Variants in NPSR1 observed in about 807,000 individuals in gnomAD.
The protein encoded by NPSR1 is neuropeptide S receptor.
In NPSR1, 48 loss-of-function variants were observed where a neutral mutation model predicts 46.9. That is an observed-to-expected ratio of 1.02 (90% confidence interval 0.81 to 1.30). NPSR1 has a LOEUF of 1.30. NPSR1 is among the 50% of genes most tolerant of loss of function. NPSR1 has a pLI of 0.00. For synonymous variants in NPSR1, 176 were observed against 168.1 expected (o/e 1.05, Z -0.36); for missense variants, 450 against 449.5 (o/e 1.00, Z -0.01).
chr7:34,730,427 T>C (rs1282144206), intron 2 of NPSR1, among the ~76,000 whole-genome samples: 2 of 152,210 alleles, frequency 1.3e-5, no homozygotes, highest in African/African-American at 2.4e-5. Context: ...TTTTAAAGGA[T>C]AGCAGTGTCT....
chr7:34,858,437 A>G (rs1385216131), intron 8 of NPSR1, among the ~76,000 whole-genome samples: 1 of 151,904 alleles, frequency 6.6e-6, no homozygotes, highest in Non-Finnish European at 1.5e-5. Flanking sequence ...AGACAGAGAC[A>G]TTAAAGATAA....
rs566142917 is a variant in NPSR1, at chr7:34,846,460, CA to C, written c.844+1484del. On this transcript the variant is annotated intron_variant, in intron 7 of 8. Coordinates refer to ENST00000360581, the MANE Select transcript of NPSR1 (RefSeq NM_207172.2). ...ATCATTTAAACATTAATATATTGCC[CA>C]AAAAATAATATAAAAGAGGAATAAG... 1.9e-3 allele frequency among the ~76,000 whole-genome samples: 293 copies of C among 151,864 alleles called. 3 individuals carry two copies. The highest frequency in any genetic ancestry group is 6.6e-3 in the African/African-American group (272 of 41,414).
downstream of NPSR1, among the ~76,000 whole-genome samples, chr7:34,850,636 G>A (rs1402277991): frequency 3.9e-5 from 6 of 152,098 alleles, no homozygotes; most frequent in Admixed American, 2.6e-4. Context: ...TCCTGACCTC[G>A]TGATCTGCCT....
intron 8 of NPSR1, among the ~76,000 whole-genome samples, chr7:34,873,221 C>T (rs1273988154): frequency 6.6e-6 from 1 of 151,802 alleles, no homozygotes; most frequent in Non-Finnish European, 1.5e-5. Flanking sequence ...ACCATTTAGC[C>T]AGTCTACAAG....
At chr7:34,815,826 A>G (rs1789219305) in intron 4 of NPSR1, among the ~76,000 whole-genome samples, 1 of 152,226 alleles carries the variant, frequency 6.6e-6, no homozygotes, top group African/African-American at 2.4e-5. Context: ...AAGTTTCATA[A>G]GTGAAGGAGA....
intron 3 of NPSR1, among the ~76,000 whole-genome samples, chr7:34,796,689 T>C (rs1367032558): frequency 2.0e-5 from 3 of 152,190 alleles, no homozygotes; most frequent in South Asian, 2.1e-4. Flanking sequence ...CAAAATGCTA[T>C]TGAGAATGTG....
chr7:34,842,224 A>G (rs1265968078), intron 6 of NPSR1, among the ~76,000 whole-genome samples: 1 of 152,232 alleles, frequency 6.6e-6, no homozygotes, highest in Non-Finnish European at 1.5e-5. Flanking sequence ...GAAGCCGGGA[A>G]CTTTAGACGA....
chr7:34,821,166 A>T (rs1410000628), intron 4 of NPSR1, among the ~76,000 whole-genome samples: 1 of 122,260 alleles, frequency 8.2e-6, no homozygotes, highest in Non-Finnish European at 1.6e-5. Flanking sequence ...ACAGAGTCTC[A>T]CTCTGTCGCC....
At chr7:34,776,360 A>G (rs1786958778) in intron 2 of NPSR1, among the ~76,000 whole-genome samples, 1 of 152,046 alleles carries the variant, frequency 6.6e-6, no homozygotes, top group Admixed American at 6.6e-5. Context: ...ACAATATTTA[A>G]TTTATATGTC....
chr7:34,845,171 C>T (rs1790699381), intron 7 of NPSR1, among the ~76,000 whole-genome samples, 189 bp downstream of exon 7: 1 of 152,186 alleles, frequency 6.6e-6, no homozygotes, highest in Non-Finnish European at 1.5e-5. Context: ...TTCCTAATCC[C>T]TCTCCTTATG....
chr7:34,766,143 T>G (rs66775522), intron 2 of NPSR1, among the ~76,000 whole-genome samples: 17,436 of 152,200 alleles, frequency 0.11, 1,164 homozygotes, highest in Middle Eastern at 0.17. Context: ...AAAGCCATGA[T>G]GAAATATCAC....
intron 3 of NPSR1, among the ~76,000 whole-genome samples, chr7:34,791,819 C>T (rs1210320282): frequency 1.3e-5 from 2 of 152,078 alleles, no homozygotes; most frequent in African/African-American, 4.8e-5. Flanking sequence ...CTACAGTAAT[C>T]GAAACAGTGT....
intron 2 of NPSR1, among the ~76,000 whole-genome samples, chr7:34,770,243 T>C (rs1011812663): frequency 6.6e-6 from 1 of 152,226 alleles, no homozygotes; most frequent in Admixed American, 6.5e-5. Flanking sequence ...ATTCCGTTCA[T>C]TCATCCAGTC....
At chr7:34,726,271 A>G (rs559008746) in intron 2 of NPSR1, among the ~76,000 whole-genome samples, 1 of 152,296 alleles carries the variant, frequency 6.6e-6, no homozygotes, top group South Asian at 2.1e-4. Flanking sequence ...GCTCCACATC[A>G]TATGTCATCA....
intron 2 of NPSR1, among the ~76,000 whole-genome samples, chr7:34,752,556 C>T (rs553261772): frequency 6.6e-6 from 1 of 152,282 alleles, no homozygotes; most frequent in Admixed American, 6.5e-5. Context: ...TAATATTTAA[C>T]TTAACCACTC....
intron 1 of NPSR1, among the ~76,000 whole-genome samples, chr7:34,672,317 T>G (rs1277037358): frequency 6.6e-6 from 1 of 152,220 alleles, no homozygotes; most frequent in Non-Finnish European, 1.5e-5. Flanking sequence ...CAATACATGC[T>G]ATTAGTGGTT....
intron 3 of NPSR1, among the ~76,000 whole-genome samples, chr7:34,805,479 C>CAAAAAAAAAAAAAAAA (rs57776086): frequency 1.4e-5 from 1 of 71,948 alleles, no homozygotes; most frequent in Non-Finnish European, 2.7e-5. Flanking sequence ...TATCCACATG[C>CAAAAAAAAAAAAAAAA]AAAAAAAAAA....
In NPSR1 at chr7:34,790,735, A is replaced by G. The variant is rs1384781221; in HGVS notation, c.384+12170A>G. ...ATATATAATATATGTTATATGTTAT[A>G]TGTTATATATAATATATGTTATATG... On this transcript the variant is annotated intron_variant, in intron 3 of 8. Coordinates refer to ENST00000360581, the MANE Select transcript of NPSR1 (RefSeq NM_207172.2). 2.5e-5 allele frequency among the ~76,000 whole-genome samples: 3 copies of G among 120,512 alleles called. 1 individual carries two copies. The highest frequency in any genetic ancestry group is 1.8e-4 in the Admixed American group (2 of 10,868). 79.1% of individuals were successfully genotyped at this position (120,512 alleles called of 152,430 possible).
Position 34,829,505 on chromosome 7 carries a change from G to A in NPSR1, c.680+1903G>A, listed in dbSNP as rs369030110. Among the ~76,000 whole-genome samples, 31 of 152,306 alleles carry A rather than the reference G, an allele frequency of 2.0e-4. No individual in the cohort carries two copies. The South Asian group carries it at 6.4e-3, about 32-fold the overall frequency. ...GGTCAGAGAGCATTTGGAAGAAAGT[G>A]GCTTGTGTCATCCTGAGCAACTGAG... On this transcript the variant is annotated intron_variant, in intron 5 of 8. Coordinates refer to ENST00000360581, the MANE Select transcript of NPSR1 (RefSeq NM_207172.2).
Sources: allele counts gnomAD v4.1 joint callset (sites outside exome capture counted in the v4.1 genomes callset), GRCh38; gene constraint gnomAD v4.1.1; transcripts MANE v1.5; gene names NCBI Gene and HGNC (gene_info 2026-07-23, HGNC 2026-07-21).